SCMH1: variants seen among roughly 807,000 people sequenced by gnomAD.
The protein encoded by SCMH1 is Scm polycomb group protein homolog 1.
In SCMH1, 37 loss-of-function variants were observed where a neutral mutation model predicts 70.8. That is an observed-to-expected ratio of 0.52 (90% CI 0.40 to 0.69). The LOEUF is 0.69. Ranked by LOEUF, SCMH1 falls within the 30% of genes least tolerant of loss-of-function variation. SCMH1 has a pLI of 0.00. For missense variants in SCMH1, 607 were observed against 827.3 expected (o/e 0.73, Z 3.27); for synonymous variants, 292 against 307.4 (o/e 0.95, Z 0.52).
intron 1 of SCMH1, among the ~76,000 whole-genome samples, chr1:41,233,492 A>G (rs1557884723): frequency 6.6e-6 from 1 of 152,200 alleles, no homozygotes; most frequent in African/African-American, 2.4e-5. Flanking sequence ...TCATGTTAAT[A>G]TATCAAGTAC....
At chr1:41,056,104 T>C (rs1650189584) in intron 10 of SCMH1, among the ~76,000 whole-genome samples, 1 of 152,212 alleles carries the variant, frequency 6.6e-6, no homozygotes. Context: ...CAATAGAATA[T>C]GGTGGCAATG....
chr1:41,202,290 T>G (rs1413085122), intron 1 of SCMH1, among the ~76,000 whole-genome samples: 4 of 151,474 alleles, frequency 2.6e-5, no homozygotes, highest in African/African-American at 9.7e-5. Context: ...TGCCTTGGCC[T>G]CCCAAAGTGC....
chr1:41,080,203 C>T (rs1659584357), intron 8 of SCMH1, among the ~76,000 whole-genome samples: 1 of 151,786 alleles, frequency 6.6e-6, no homozygotes, highest in South Asian at 2.1e-4. Flanking sequence ...TATGAAGAGC[C>T]TCATACATAA....
At chr1:41,192,914 G>A (rs534684265) in intron 1 of SCMH1, among the ~76,000 whole-genome samples, 4 of 152,338 alleles carry the variant, frequency 2.6e-5, no homozygotes, top group East Asian at 3.9e-4. Context: ...TAAAGGGCCA[G>A]ATGGCAAATA....
chr1:41,161,297 G>T, intron 3 of SCMH1, 67 bp downstream of exon 3: 2 of 1,544,106 alleles, frequency 1.3e-6, no homozygotes, highest in African/African-American at 1.4e-5. Context: ...CTCTAACAAC[G>T]AAGGTTTTAT....
At chr1:41,089,785 C>CTTTTTT (rs1558778255) in intron 8 of SCMH1, among the ~76,000 whole-genome samples, 2 of 37,318 alleles carry the variant, frequency 5.4e-5, no homozygotes, top group Non-Finnish European at 4.7e-5. Context: ...ACCATGTTGT[C>CTTTTTT]TCTTTTTTTT....
chr1:41,204,983 C>T (rs1344123565), intron 1 of SCMH1, among the ~76,000 whole-genome samples: 2 of 152,170 alleles, frequency 1.3e-5, no homozygotes, highest in African/African-American at 4.8e-5. Flanking sequence ...ATACATTATA[C>T]TTGGATGGCT....
At chr1:41,154,081 A>C (rs565287209) in intron 4 of SCMH1, among the ~76,000 whole-genome samples, 45 of 152,278 alleles carry the variant, frequency 3.0e-4, no homozygotes, top group African/African-American at 1.0e-3. Flanking sequence ...CTCAAACTTT[A>C]TTTACACAAA....
intron 14 of SCMH1, 55 bp downstream of exon 15, chr1:41,028,529 C>G: frequency 6.2e-7 from 1 of 1,606,090 alleles, no homozygotes. Flanking sequence ...ATTGTCCCCA[C>G]CAGGTGAGGC....
intron 1 of SCMH1, among the ~76,000 whole-genome samples, chr1:41,204,749 C>T (rs1655110457): frequency 6.6e-6 from 1 of 152,142 alleles, no homozygotes; most frequent in South Asian, 2.1e-4. Flanking sequence ...GCAGTTAGCA[C>T]CATTTAATAT....
intron 13 of SCMH1, among the ~76,000 whole-genome samples, chr1:41,036,846 T>C (rs1300107819): frequency 6.6e-6 from 1 of 152,172 alleles, no homozygotes; most frequent in Non-Finnish European, 1.5e-5. Flanking sequence ...CTACCAGCCC[T>C]GATATGGCCA....
Position 41,084,132 on chromosome 1 carries a change from A to C in SCMH1, c.746-8681T>G, listed in dbSNP as rs1189156762. On this transcript the variant is annotated intron_variant, in intron 8 of 14. Coordinates refer to ENST00000337495, the Ensembl canonical transcript of SCMH1. ...AAAGCCAAAATTGACAAGTGGGATC[A>C]AATTAAACTAAAGAGCTTCTGCACA... Among the ~76,000 whole-genome samples, 3 of 152,202 alleles carry C rather than the reference A, an allele frequency of 2.0e-5. No homozygotes were observed. The East Asian group carries it at 5.8e-4, about 29-fold the overall frequency.
chr1:41,186,296 C>T (rs1650174675), intron 1 of SCMH1, 46 bp from the exon 2 acceptor site: 1 of 542,388 alleles, frequency 1.8e-6, no homozygotes, highest in African/African-American at 1.9e-5. Flanking sequence ...CATTTATTAC[C>T]TGTAAAGTAC....
intron 13 of SCMH1, among the ~76,000 whole-genome samples, chr1:41,031,694 G>A (rs530318694): frequency 9.3e-4 from 142 of 152,288 alleles, no homozygotes; most frequent in African/African-American, 3.2e-3. Context: ...GAGAAACCAA[G>A]TGCAGAGAGG....
intron 6 of SCMH1, among the ~76,000 whole-genome samples, chr1:41,124,412 T>C (rs1310839843): frequency 6.6e-6 from 1 of 152,144 alleles, no homozygotes; most frequent in Non-Finnish European, 1.5e-5. Context: ...CATACTGCAA[T>C]TGGTTGTCAT....
chr1:41,127,453 A>G (rs1043557846), intron 6 of SCMH1, among the ~76,000 whole-genome samples: 7 of 152,174 alleles, frequency 4.6e-5, no homozygotes, highest in African/African-American at 1.7e-4. Flanking sequence ...GTACTTATAT[A>G]GTCATTTTTT....
chr1:41,127,721 G>A (rs766886987), intron 6 of SCMH1, among the ~76,000 whole-genome samples: 2 of 152,108 alleles, frequency 1.3e-5, no homozygotes, highest in African/African-American at 4.8e-5. Context: ...GTGAAGTCAC[G>A]GGGTAGAGCC....
At chr1:41,134,649 T>C (rs534679689) in intron 6 of SCMH1, among the ~76,000 whole-genome samples, 2 of 152,230 alleles carry the variant, frequency 1.3e-5, no homozygotes, top group African/African-American at 4.8e-5. Context: ...TTCTTAATTT[T>C]GACAAAGTCT....
intron 1 of SCMH1, among the ~76,000 whole-genome samples, chr1:41,207,490 A>G (rs1478825891): frequency 6.6e-6 from 1 of 152,238 alleles, no homozygotes; most frequent in African/African-American, 2.4e-5. Flanking sequence ...AGAAGAGCTA[A>G]CTATCCTAAA....
Sources: allele counts gnomAD v4.1 joint callset (sites outside exome capture counted in the v4.1 genomes callset), GRCh38; gene constraint gnomAD v4.1.1; transcripts MANE v1.5; gene names NCBI Gene and HGNC (gene_info 2026-07-23, HGNC 2026-07-21).